The following LRRC3C variants were observed in gnomAD, a reference collection of about 807,000 sequenced individuals.
LRRC3C encodes leucine rich repeat containing 3C.
A neutral mutation model predicts 14.8 loss-of-function variants in LRRC3C; 11 were observed. The ratio of observed to expected loss-of-function variants is 0.74; its 90% confidence interval spans 0.47 to 1.23. LRRC3C has a LOEUF of 1.23. Ranked by LOEUF, LRRC3C falls within the 50% of genes most tolerant of loss-of-function variation. The probability of loss-of-function intolerance (pLI) is 0.00; values close to 1 mark genes in which losing one functional copy is unlikely to be tolerated. For synonymous variants in LRRC3C, 149 were observed against 161.5 expected, an observed-to-expected ratio of 0.92 and a Z score of 0.59; for missense variants, 354 against 361.8, an observed-to-expected ratio of 0.98 and a Z score of 0.18.
At chr17:39,928,672 G>C (rs1262305295) in intron 1 of LRRC3C, among the ~76,000 whole-genome samples, 2 of 152,194 alleles carry the variant, frequency 1.3e-5, no homozygotes, top group Non-Finnish European at 2.9e-5. Flanking sequence ...GGAATAGCAA[G>C]GTCAGATGAT....
At chr17:39,935,074 C>T (rs1298238705) in intron 1 of LRRC3C, among the ~76,000 whole-genome samples, 3 of 152,186 alleles carry the variant, frequency 2.0e-5, no homozygotes, top group South Asian at 4.1e-4. Flanking sequence ...TATTTTATGC[C>T]GACCTCCTAT....
chr17:39,938,382 G>A lies in LRRC3C; in HGVS notation c.-82+2488G>A, dbSNP rs573922529. Among the ~76,000 whole-genome samples, 5 of 151,566 alleles carry A rather than the reference G, an allele frequency of 3.3e-5. No homozygotes were observed. The South Asian group carries it at 6.3e-4, about 19-fold the overall frequency. Reference sequence around the variant, plus strand: ...TTATGCTTTGTTGTCTCATGGCCACGAGATGGCCTGAGTTGACCCTTTCAT... The same window carrying A: ...TTATGCTTTGTTGTCTCATGGCCACAAGATGGCCTGAGTTGACCCTTTCAT... On this transcript the variant is annotated intron_variant, in intron 2 of 3. Coordinates refer to ENST00000377924, the MANE Select transcript of LRRC3C (RefSeq NM_001195545.2).
intron 1 of LRRC3C, among the ~76,000 whole-genome samples, chr17:39,929,682 A>G (rs1373487193): frequency 6.6e-6 from 1 of 152,206 alleles, no homozygotes; most frequent in Non-Finnish European, 1.5e-5. Flanking sequence ...CACTTTTGGT[A>G]GCATATTCTA....
At chr17:39,939,215 G>A (rs1978877640) in intron 2 of LRRC3C, 1 of 272,430 alleles carries the variant, frequency 3.7e-6, no homozygotes, top group Admixed American at 6.5e-5. Context: ...AGATCAATCA[G>A]GTTGAATCAT....
In LRRC3C at chr17:39,940,740, G is replaced by A. The variant is rs1978916289; in HGVS notation, c.-81-703G>A. 2.0e-5 allele frequency among the ~76,000 whole-genome samples: 3 copies of A among 151,900 alleles called. No individual in the cohort carries two copies. The South Asian group carries it at 6.2e-4, about 32-fold the overall frequency. On this transcript the variant is annotated intron_variant, in intron 2 of 3. Transcript: ENST00000377924. ...TTATAGGCATGAGCCACTGCACCCAGCCTTGAAATTCTTTTTTTTGAGACA... is the reference window on the plus strand; with the variant it reads ...TTATAGGCATGAGCCACTGCACCCAACCTTGAAATTCTTTTTTTTGAGACA...
chr17:39,937,833 G>A (rs1351222119), intron 2 of LRRC3C, among the ~76,000 whole-genome samples: 1 of 152,074 alleles, frequency 6.6e-6, no homozygotes, highest in Non-Finnish European at 1.5e-5. Context: ...AGGAGCTTTT[G>A]AAAATTCCCA....
chr17:39,934,167 C>G (rs1598292461), intron 1 of LRRC3C, among the ~76,000 whole-genome samples: 3 of 152,288 alleles, frequency 2.0e-5, no homozygotes, highest in Admixed American at 2.0e-4. Flanking sequence ...CACTGGGTCC[C>G]CATCCCCCAG....
Position 39,944,461 on chromosome 17 carries a change from C to T in LRRC3C, c.555C>T (p.Ile185=), listed in dbSNP as rs1027671125. The change falls in exon 4 of 4, where the codon ATC becomes ATT. Residue 185 remains isoleucine, a synonymous_variant. Transcript: ENST00000377924. The part of the protein sequence containing the change: ...VRLVPGTGTG[I]VCGSGARPDL... ...TGGTGCCGGGCACTGGGACAGGCATCGTGTGTGGCTCAGGAGCCCGACCGG... is the reference window on the plus strand; with the variant it reads ...TGGTGCCGGGCACTGGGACAGGCATTGTGTGTGGCTCAGGAGCCCGACCGG... 3.5e-6 allele frequency: 5 copies of T among 1,439,210 alleles called. No homozygotes were observed. The highest frequency in any genetic ancestry group is 1.3e-5 in the South Asian group (1 of 74,608). 89.2% of individuals were successfully genotyped at this position (1,439,210 alleles called of 1,614,324 possible). A position where few individuals can be genotyped will look rare whatever the true frequency, so the allele number is the denominator to read the frequency against.
At chr17:39,941,379 T>G in intron 2 of LRRC3C, 64 bp from the exon 3 acceptor site, 1 of 469,396 alleles carries the variant, frequency 2.1e-6, no homozygotes, top group Non-Finnish European at 3.8e-6. Context: ...AAGGAAGAAA[T>G]TCTTAACAGG....
intron 1 of LRRC3C, among the ~76,000 whole-genome samples, chr17:39,928,107 G>T (rs1175259911): frequency 6.6e-6 from 1 of 152,232 alleles, no homozygotes; most frequent in Middle Eastern, 3.2e-3. Flanking sequence ...TGGGATGAGG[G>T]TCTGGAGGGC....
chr17:39,933,378 C>A (rs1978703135), intron 1 of LRRC3C, among the ~76,000 whole-genome samples: 1 of 152,044 alleles, frequency 6.6e-6, no homozygotes, highest in African/African-American at 2.4e-5. Flanking sequence ...GGTTGATAAA[C>A]AAGGAACATG....
chr17:39,937,798 C>T (rs1978838988), intron 2 of LRRC3C, among the ~76,000 whole-genome samples: 2 of 152,148 alleles, frequency 1.3e-5, no homozygotes, highest in South Asian at 2.1e-4. Context: ...TGATTCTTAC[C>T]CTAGGTTGCC....
intron 2 of LRRC3C, among the ~76,000 whole-genome samples, chr17:39,936,597 G>C (rs1348316060): frequency 1.3e-5 from 2 of 149,420 alleles, no homozygotes; most frequent in African/African-American, 4.9e-5. Context: ...GAACCCAGGA[G>C]TTTGAAACCA....
chr17:39,943,195 C>T (rs1183053471), intron 3 of LRRC3C, among the ~76,000 whole-genome samples: 2 of 152,198 alleles, frequency 1.3e-5, no homozygotes, highest in East Asian at 1.9e-4. Context: ...CCAGCAGCTA[C>T]GAGCAAACAG....
In LRRC3C at chr17:39,944,165, G is replaced by T. The variant is rs867407165; in HGVS notation, c.259G>T (p.Asp87Tyr). 1 of 1,536,240 alleles carries T rather than the reference G, an allele frequency of 6.5e-7. No homozygotes were observed. The highest frequency in any genetic ancestry group is 8.7e-7 in the Non-Finnish European group (1 of 1,146,930). Reference protein sequence around the residue: ...IPNDTRKLYLDANQLASVPAG... With the variant: ...IPNDTRKLYLYANQLASVPAG... ...CAATGACACCCGCAAGCTCTACCTG[G>T]ATGCCAACCAGCTGGCATCGGTGCC... is the stretch of plus-strand genomic sequence containing the variant. The change falls in exon 4 of 4, where the codon GAT (aspartate) becomes TAT (tyrosine). Residue 87 changes from aspartate (D) to tyrosine (Y), a missense_variant. Asp to Tyr is a radical substitution (Grantham distance 160). Transcript: ENST00000377924.
chr17:39,938,935 G>A (rs143131693), intron 2 of LRRC3C, among the ~76,000 whole-genome samples: 3 of 151,354 alleles, frequency 2.0e-5, no homozygotes, highest in Non-Finnish European at 2.9e-5. Context: ...GTAGTGAAGC[G>A]AGATCATGCA....
chr17:39,931,152 A>C (rs1978640149), intron 1 of LRRC3C, among the ~76,000 whole-genome samples: 1 of 151,100 alleles, frequency 6.6e-6, no homozygotes, highest in African/African-American at 2.4e-5. Flanking sequence ...CAAAAAAAAA[A>C]AAAGTCTTCC....
Position 39,944,887 on chromosome 17 carries a change from TTCTCTCTC to T in LRRC3C, c.*163_*170del. The T allele has an allele frequency of 7.8e-6, 5 of 641,582 alleles. No homozygotes were observed. The highest frequency in any genetic ancestry group is 1.3e-5 in the Non-Finnish European group (5 of 385,936). 39.7% of individuals were successfully genotyped at this position (641,582 alleles called of 1,614,324 possible). On this transcript the variant is annotated 3_prime_UTR_variant, in exon 4 of 4. Coordinates refer to ENST00000377924, the MANE Select transcript of LRRC3C (RefSeq NM_001195545.2). ...TATTCCCCCTAAATACCTGTGCTGGTTCTCTCTCTCTCTCTCTGTGTCGTCTTAACCAA... is the reference window on the plus strand; with the variant it reads ...TATTCCCCCTAAATACCTGTGCTGGTTCTCTCTCTGTGTCGTCTTAACCAA...
chr17:39,927,852 A>G (rs1978525976), intron 1 of LRRC3C, 38 bp downstream of exon 1: 2 of 985,492 alleles, frequency 2.0e-6, no homozygotes, highest in African/African-American at 3.5e-5. Context: ...TGTGCCCTTC[A>G]AGTGTATTTT....
Sources: allele counts gnomAD v4.1 joint callset (sites outside exome capture counted in the v4.1 genomes callset), GRCh38; gene constraint gnomAD v4.1.1; transcripts MANE v1.5; gene names NCBI Gene and HGNC (gene_info 2026-07-23, HGNC 2026-07-21).